The following MTA3 variants were observed in gnomAD, a reference collection of about 807,000 sequenced individuals.
MTA3 encodes the protein metastasis-associated protein MTA3.
Under a neutral mutation model 83.5 loss-of-function variants are expected in MTA3, and 34 were observed. The observed-to-expected ratio is 0.41, with a 90% confidence interval of 0.31 to 0.54. The LOEUF (loss-of-function observed/expected upper bound fraction) is 0.54. Ranked by LOEUF, MTA3 falls within the 20% of genes least tolerant of loss-of-function variation. The pLI, the probability that MTA3 is intolerant of heterozygous loss-of-function variation, is 0.33. For missense variants in MTA3, 761 were observed against 726.4 expected (o/e 1.05, Z -0.55); for synonymous variants, 303 against 252.7 (o/e 1.20, Z -1.89).
chr2:42,690,598 CTTTT>C (rs745545718), intron 9 of MTA3, among the ~76,000 whole-genome samples: 2 of 147,800 alleles, frequency 1.4e-5, no homozygotes, highest in East Asian at 2.0e-4. Context: ...ACATTTTTTT[CTTTT>C]TTTAATTTTT....
In MTA3 at chr2:42,557,407, A is replaced by G. The variant is rs924565511; in HGVS notation, c.-140-13030A>G. ...TCAGGGCTTCCAGAAGACGTACATTATGTCTCCTCTTACAGAAAGGAACCA... is the reference window on the plus strand; with the variant it reads ...TCAGGGCTTCCAGAAGACGTACATTGTGTCTCCTCTTACAGAAAGGAACCA... On this transcript the variant is annotated intron_variant, in intron 2 of 17. Transcript: ENST00000405592. 2.6e-5 allele frequency among the ~76,000 whole-genome samples: 4 copies of G among 152,088 alleles called. No individual in the cohort carries two copies. In the East Asian group the frequency reaches 7.7e-4, roughly 29 times the overall value.
In MTA3 at chr2:42,753,354, C is replaced by A; in HGVS notation, c.1760-20C>A. The A allele has an allele frequency of 6.4e-7, 1 of 1,550,560 alleles. No individual in the cohort carries two copies. The highest frequency in any genetic ancestry group is 8.7e-7 in the Non-Finnish European group (1 of 1,146,964). On this transcript the variant is annotated intron_variant, in intron 16 of 16. Coordinates refer to ENST00000405094, the MANE Select transcript of MTA3 (RefSeq NM_001330442.2). The stretch of plus-strand genomic sequence containing the variant: ...CATCGGGACTTGTTTAACCTTCACA[C>A]TGTTACTTCCCTTTTCTAGAACTCA...
Position 42,723,166 on chromosome 2 carries a change from A to G in MTA3, c.1759+131A>G, listed in dbSNP as rs2104543847. The G allele has an allele frequency of 5.4e-6, 6 of 1,109,416 alleles. No individual in the cohort carries two copies. The East Asian group carries it at 7.8e-5, about 14-fold the overall frequency. 68.7% of individuals were successfully genotyped at this position (1,109,416 alleles called of 1,614,324 possible). ...CATGATTGAAGTATGTGGTTGAGGAATAAGGGGGAATACAGCCATATGCCA... is the reference window on the plus strand; with the variant it reads ...CATGATTGAAGTATGTGGTTGAGGAGTAAGGGGGAATACAGCCATATGCCA... On this transcript the variant is annotated intron_variant, in intron 16 of 16. Coordinates refer to ENST00000405094, the MANE Select transcript of MTA3 (RefSeq NM_001330442.2).
At chr2:42,717,309 G>GA (rs1304996636) in intron 14 of MTA3, among the ~76,000 whole-genome samples, 1 of 151,944 alleles carries the variant, frequency 6.6e-6, no homozygotes, top group Non-Finnish European at 1.5e-5. Flanking sequence ...TTTGCAAAAG[G>GA]AAAAATTCTT....
chr2:42,604,057 T>G (rs192461731), intron 3 of MTA3, among the ~76,000 whole-genome samples: 1 of 149,690 alleles, frequency 6.7e-6, no homozygotes, highest in Non-Finnish European at 1.5e-5. Context: ...CTCTTTGTTT[T>G]TGAAACAGAG....
At chr2:42,701,706 A>C (rs980283938) in intron 11 of MTA3, among the ~76,000 whole-genome samples, 1 of 152,140 alleles carries the variant, frequency 6.6e-6, no homozygotes, top group Non-Finnish European at 1.5e-5. Flanking sequence ...ACCTGAGGTC[A>C]GGAATTTGAG....
In MTA3 at chr2:42,604,999, G is replaced by T. The variant is rs1042162301; in HGVS notation, c.191-4459G>T. ...TGTCTACTTCTTTCCACACAGACAC[G>T]GCAACCATCCGATTTCTCAATCTTT... On this transcript the variant is annotated intron_variant, in intron 3 of 16. Transcript: ENST00000405094. Among the ~76,000 whole-genome samples, 262 of 150,286 alleles carry T rather than the reference G, an allele frequency of 1.7e-3. 2 individuals carry two copies. In the South Asian group the frequency reaches 0.022, roughly 13 times the overall value.
rs749556121 is a variant in MTA3, at chr2:42,722,870, A to AC, written c.1613-17dup. 3 of 1,550,422 alleles carry AC rather than the reference A, an allele frequency of 1.9e-6. No homozygotes were observed. The highest frequency in any genetic ancestry group is 2.7e-5 in the African/African-American group (2 of 73,012). ...TTAATATCATGTTCTGAATTGAGAA[A>AC]CCTTTTTTCCCCCATCAGAGATCCA... is the stretch of plus-strand genomic sequence containing the variant. On this transcript the variant is annotated intron_variant, in intron 15 of 16. Coordinates refer to ENST00000405094, the MANE Select transcript of MTA3 (RefSeq NM_001330442.2).
chr2:42,494,852 G>T (rs537480470), exon 1 of MTA3: 1 of 152,506 alleles, frequency 6.6e-6, no homozygotes, highest in South Asian at 2.1e-4. Flanking sequence ...CGAGCGGGAA[G>T]AGCCCCGTGA....
At chr2:42,494,608 C>G (rs1365786539) in exon 1 of MTA3, 6 of 152,318 alleles carry the variant, frequency 3.9e-5, no homozygotes, top group Non-Finnish European at 7.3e-5. Flanking sequence ...GGGAAGCGGT[C>G]CCCGACCCGG....
chr2:42,563,906 C>T (rs890612014), upstream of MTA3, among the ~76,000 whole-genome samples: 1 of 151,852 alleles, frequency 6.6e-6, no homozygotes, highest in South Asian at 2.1e-4. Flanking sequence ...TCACTGCAAC[C>T]TCCGCCTCCC....
intron 6 of MTA3, among the ~76,000 whole-genome samples, chr2:42,649,384 G>A (rs868208650): frequency 1.3e-4 from 19 of 151,774 alleles, no homozygotes; most frequent in African/African-American, 4.4e-4. Context: ...CTGCACTCCA[G>A]CATGGGTGAC....
At chr2:42,750,805 G>A (rs1669817079) in intron 16 of MTA3, among the ~76,000 whole-genome samples, 1 of 152,202 alleles carries the variant, frequency 6.6e-6, no homozygotes, top group Non-Finnish European at 1.5e-5. Flanking sequence ...CCTCGTCAGA[G>A]AATAAATATC....
In MTA3 at chr2:42,615,711, CTTTTTTTT is replaced by C. The variant is rs35331224; in HGVS notation, c.317+6147_317+6154del. 3.0e-3 allele frequency among the ~76,000 whole-genome samples: 178 copies of C among 59,802 alleles called. 1 individual carries two copies. In the Admixed American group the frequency reaches 0.03, roughly 10 times the overall value. 39.2% of individuals were successfully genotyped at this position (59,802 alleles called of 152,430 possible). A position where few individuals can be genotyped will look rare whatever the true frequency, so the allele number is the denominator to read the frequency against. ...ACCACAGATACTTGAATAATCTCTT[CTTTTTTTT>C]TTTTTTTTTTTTTTTTTTTGAGACG... On this transcript the variant is annotated intron_variant, in intron 4 of 16. Transcript: ENST00000405094.
chr2:42,752,812 ACCC>A (rs1669980304), intron 16 of MTA3, among the ~76,000 whole-genome samples: 1 of 151,948 alleles, frequency 6.6e-6, no homozygotes, highest in Non-Finnish European at 1.5e-5. Context: ...TGACCACTAA[ACCC>A]GCCTATTCAA....
chr2:42,739,705 A>G (rs1049483046), intron 16 of MTA3, among the ~76,000 whole-genome samples: 6 of 152,256 alleles, frequency 3.9e-5, no homozygotes, highest in Non-Finnish European at 5.9e-5. Flanking sequence ...ACTTCTTTCA[A>G]AATTAGAGTC....
chr2:42,641,630 G>A (rs1003925354), intron 5 of MTA3, among the ~76,000 whole-genome samples: 3 of 151,860 alleles, frequency 2.0e-5, no homozygotes, highest in East Asian at 1.9e-4. Context: ...GGCGGATCAC[G>A]AGGTCAGGAG....
At chr2:42,649,193 G>A (rs1041101081) in intron 6 of MTA3, among the ~76,000 whole-genome samples, 2 of 152,072 alleles carry the variant, frequency 1.3e-5, no homozygotes. Flanking sequence ...TCAGGAGTTC[G>A]AGACCAGTTT....
intron 16 of MTA3, among the ~76,000 whole-genome samples, chr2:42,752,605 G>GGGA (rs1298969286): frequency 6.6e-6 from 1 of 152,086 alleles, no homozygotes; most frequent in African/African-American, 2.4e-5. Flanking sequence ...CTGACACTGT[G>GGGA]GGAGAGTGAA....
Sources: gnomAD v4.1 joint callset for allele counts (sites outside exome capture counted in the v4.1 genomes callset) on GRCh38, gnomAD v4.1.1 for gene constraint, MANE v1.5 for transcripts, NCBI Gene and HGNC (gene_info 2026-07-23, HGNC 2026-07-21) for gene names.